NBEAL2: variants seen among roughly 807,000 people sequenced by gnomAD.
NBEAL2 encodes the protein neurobeachin-like protein 2.
In NBEAL2, 160 loss-of-function variants were observed where a neutral mutation model predicts 299.8. The observed-to-expected ratio is 0.53, with a 90% CI of 0.47 to 0.61. The LOEUF (loss-of-function observed/expected upper bound fraction) is 0.61, where lower values mean the gene tolerates loss of function less well. Among genes scored for constraint, NBEAL2 ranks in the 20% least tolerant of loss-of-function variants. The pLI is 0.00. For synonymous variants in NBEAL2, 1,493 were observed against 1,542.3 expected (o/e 0.97, Z 0.75); for missense variants, 3,112 against 3,649.0 (o/e 0.85, Z 3.79).
chr3:47,000,090 G>A lies in NBEAL2; in HGVS notation c.3991G>A (p.Val1331Ile). 6.2e-7 allele frequency: 1 copy of A among 1,613,606 alleles called. No individual in the cohort carries two copies. The highest frequency in any genetic ancestry group is 8.5e-7 in the Non-Finnish European group (1 of 1,179,866). The part of the protein sequence containing the change: ...PTESPAEPSD[V>I]FLPSEAPCPD... ...TGAGTCACCTGCTGAGCCTTCAGAT[G>A]TCTTCCTGCCCTCAGAGGCCCCCTG... The change falls in exon 27 of 54, where the codon GTC becomes ATC. Residue 1331 changes from valine (V) to isoleucine (I), a missense_variant. By Grantham distance (29) the Val-to-Ile change is conservative (BLOSUM62 3). Transcript: ENST00000450053. This position sits in a 1 kb window ranked among gnomAD's most constrained non-coding sequence, Gnocchi z 4.5.
In NBEAL2 at chr3:46,989,058, G is replaced by A. The variant is rs1325204117; in HGVS notation, c.270-27G>A. On this transcript the variant is annotated intron_variant, in intron 3 of 53. Coordinates refer to ENST00000450053, the MANE Select transcript of NBEAL2 (RefSeq NM_015175.3). The surrounding 1 kb of genome is among the most constrained non-coding windows in gnomAD (Gnocchi z 5.5). Reference sequence around the variant, plus strand: ...AAGGAGGGGCATGGTGTATTATTGTGACCTCTCTCATCATTGACTCCCCCA... The same window carrying A: ...AAGGAGGGGCATGGTGTATTATTGTAACCTCTCTCATCATTGACTCCCCCA... 2 of 1,612,396 alleles carry A rather than the reference G, an allele frequency of 1.2e-6. No homozygotes were observed. The highest frequency in any genetic ancestry group is 1.7e-6 in the Non-Finnish European group (2 of 1,179,228).
intron 32 of NBEAL2, 21 bp from the exon 33 acceptor site, chr3:47,002,624 G>T: frequency 6.2e-7 from 1 of 1,608,392 alleles, no homozygotes; most frequent in South Asian, 1.1e-5. Flanking sequence ...CCAGGGGACT[G>T]ACCTATTACC....
chr3:46,980,249 A>G (rs2035227218), intron 1 of NBEAL2, among the ~76,000 whole-genome samples: 1 of 152,156 alleles, frequency 6.6e-6, no homozygotes, highest in African/African-American at 2.4e-5. Context: ...AAATGGGGAA[A>G]CTGAGACCTG....
Position 46,995,490 on chromosome 3 carries a change from C to T in NBEAL2, c.1755C>T (p.Pro585=), listed in dbSNP as rs377657735. 1.9e-6 allele frequency: 3 copies of T among 1,612,808 alleles called. No homozygotes were observed. In the African/African-American group the frequency reaches 4.0e-5, roughly 22 times the overall value. ...ARALRYFDLT[P]SMAGIMVPPV... is the part of the protein sequence containing the mutation. ...CTCTGCGCTACTTTGACCTCACGCC[C>T]AGCATGGCGGGCATCATGGTACCCC... Residue 585 remains proline, a synonymous_variant, in exon 13 of 54, where the codon CCC becomes CCT. Transcript: ENST00000450053.
chr3:47,007,922 G>A lies in NBEAL2; in HGVS notation c.7602+12G>A, dbSNP rs374154267. The A allele has an allele frequency of 2.3e-4, 378 of 1,609,452 alleles. No individual in the cohort carries two copies. Among genetic ancestry groups the A allele is most frequent in the Admixed American group, 7.4e-4 (44 of 59,658 alleles). Reference sequence around the variant, plus strand: ...GGCTCCTGCATCAGGTGTGCCTCGTGGGCAGCTCTGTGGGGCCCCCGTAGC... The same window carrying A: ...GGCTCCTGCATCAGGTGTGCCTCGTAGGCAGCTCTGTGGGGCCCCCGTAGC... On this transcript the variant is annotated intron_variant, in intron 49 of 53. Coordinates refer to ENST00000450053, the MANE Select transcript of NBEAL2 (RefSeq NM_015175.3).
At position 46,996,472 on chromosome 3, in the gene NBEAL2, C is replaced by T; in HGVS notation, c.2353C>T (p.Leu785Phe). The T allele has an allele frequency of 6.3e-7, 1 of 1,599,586 alleles. No individual in the cohort carries two copies. Residue 785 changes from leucine (L) to phenylalanine (F), a missense_variant, in exon 16 of 54, where the codon CTC becomes TTC. Transcript: ENST00000450053. ...PLQEGSIDST[L>F]AGTQDTRWGS... ...GCAGGAGGGCAGCATCGACTCTACC[C>T]TCGCAGGCACCCAGGACACTCGGTG...
intron 1 of NBEAL2, among the ~76,000 whole-genome samples, chr3:46,984,305 G>C (rs1425158459): frequency 6.6e-6 from 1 of 151,924 alleles, no homozygotes; most frequent in Non-Finnish European, 1.5e-5. Flanking sequence ...GCGAGACTCC[G>C]TCTCAAAAAA....
intron 50 of NBEAL2, 28 bp from the exon 51 acceptor site, chr3:47,008,255 C>A: frequency 6.2e-7 from 1 of 1,613,120 alleles, no homozygotes; most frequent in Non-Finnish European, 8.5e-7. Context: ...CAGACTCCTG[C>A]CCAGGACCCT....
intron 52 of NBEAL2, 146 bp downstream of exon 52, chr3:47,008,814 G>T: frequency 6.9e-7 from 1 of 1,443,610 alleles, no homozygotes; most frequent in South Asian, 1.2e-5. Flanking sequence ...CCATGGGGAG[G>T]TCTTGCCCTG....
rs745974345 is a variant in NBEAL2 at position 47,004,443 on chromosome 3, G to A, written c.6198+50G>A. Reference sequence around the variant, plus strand: ...GTGAAGTCGGGACCCTGAATCACGGGGCAGTGCTGGACAGCCCACCTGGCT... The same window carrying A: ...GTGAAGTCGGGACCCTGAATCACGGAGCAGTGCTGGACAGCCCACCTGGCT... On this transcript the variant is annotated intron_variant, in intron 37 of 53. Transcript: ENST00000450053. This position sits in a 1 kb window ranked among gnomAD's most constrained non-coding sequence, Gnocchi z 5.0. 4 of 1,600,514 alleles carry A rather than the reference G, an allele frequency of 2.5e-6. No individual in the cohort carries two copies. In the East Asian group the frequency reaches 6.7e-5, roughly 27 times the overall value.
At chr3:47,006,289 C>G in intron 44 of NBEAL2, 27 bp downstream of exon 44, 1 of 1,608,900 alleles carries the variant, frequency 6.2e-7, no homozygotes, top group Middle Eastern at 1.7e-4. Flanking sequence ...GGATAGTGGC[C>G]AGGGATGCCC....
At chr3:46,992,034 A>C in intron 9 of NBEAL2, 88 bp downstream of exon 9, 1 of 1,176,122 alleles carries the variant, frequency 8.5e-7, no homozygotes, top group Non-Finnish European at 1.2e-6. Flanking sequence ...CTGAGCAAAC[A>C]TGGGCTGGAC....
At position 47,001,438 on chromosome 3, in the gene NBEAL2, G is replaced by T. The variant is rs1013723540; in HGVS notation, c.4644G>T (p.Lys1548Asn). The part of the protein sequence containing the change: ...GHGNQELWSE[K>N]LFEGVCSLLD... ...GTAACCAGGAACTGTGGAGTGAGAA[G>T]GTGCGACCCCTCAGAGAGGCGTGAG... The change falls in exon 29 of 54, where the codon AAG becomes AAT. Residue 1548 changes from lysine (K) to asparagine (N), a missense_variant and splice_region_variant. Around this residue, in one of 3 missense-constraint regions of NBEAL2, gnomAD observed 2,243 missense variants for 2,538.1 expected, o/e 0.88. Transcript: ENST00000450053. The surrounding 1 kb of genome is among the most constrained non-coding windows in gnomAD (Gnocchi z 6.1). The T allele has an allele frequency of 6.2e-7, 1 of 1,611,830 alleles. No homozygotes were observed. The highest frequency in any genetic ancestry group is 1.3e-5 in the African/African-American group (1 of 74,912).
At position 46,995,704 on chromosome 3, in the gene NBEAL2, C is replaced by A. The variant is rs1264440273; in HGVS notation, c.1899-10C>A. ...GAACAAGCAGACATAACTGGCTTGC[C>A]TGCCCCCAGCTTCTTTACCAGCAGC... is the stretch of plus-strand genomic sequence containing the variant. On this transcript the variant is annotated splice_polypyrimidine_tract_variant and intron_variant, in intron 13 of 53. Transcript: ENST00000450053. 1.6e-5 allele frequency: 26 copies of A among 1,612,946 alleles called. No individual in the cohort carries two copies. The highest frequency in any genetic ancestry group is 2.1e-5 in the Non-Finnish European group (25 of 1,179,406).
At position 46,997,558 on chromosome 3, in the gene NBEAL2, C is replaced by CAGAGGAACGGATGG; in HGVS notation, c.2832_2845dup. The CAGAGGAACGGATGG allele has an allele frequency of 6.3e-7, 1 of 1,589,708 alleles. No homozygotes were observed. The highest frequency in any genetic ancestry group is 8.6e-7 in the Non-Finnish European group (1 of 1,162,696). ...CATCTGTCCCCTTCCTGATGGCTGG[C>CAGAGGAACGGATGG]AGAGGAACGGATGGAGAGGAACGCA... is the stretch of plus-strand genomic sequence containing the variant. On this transcript the variant is annotated splice_polypyrimidine_tract_variant and splice_region_variant and intron_variant, in intron 19 of 53. Coordinates refer to ENST00000450053, the MANE Select transcript of NBEAL2 (RefSeq NM_015175.3).
At chr3:46,994,103 G>T in intron 11 of NBEAL2, 83 bp downstream of exon 11, 1 of 1,380,802 alleles carries the variant, frequency 7.2e-7, no homozygotes, top group African/African-American at 1.4e-5. Flanking sequence ...CTGGCCGGTG[G>T]CCATAAGCAT....
chr3:47,001,527 C>G lies in NBEAL2; in HGVS notation c.4644+89C>G. Reference sequence around the variant, plus strand: ...CTGGTCTGGGAGGTGGATGGGTACACGTGCGCAGGTGTGGGTGCATCAGCA... The same window carrying G: ...CTGGTCTGGGAGGTGGATGGGTACAGGTGCGCAGGTGTGGGTGCATCAGCA... On this transcript the variant is annotated intron_variant, in intron 29 of 53. Transcript: ENST00000450053. The surrounding 1 kb of genome is among the most constrained non-coding windows in gnomAD (Gnocchi z 6.1). 1 of 1,554,054 alleles carries G rather than the reference C, an allele frequency of 6.4e-7. No homozygotes were observed. Among genetic ancestry groups the G allele is most frequent in the South Asian group, 1.1e-5 (1 of 87,160 alleles).
At chr3:47,007,991 GTCC>G (rs1290984951) in intron 49 of NBEAL2, 76 bp from the exon 50 acceptor site, 3 of 1,583,714 alleles carry the variant, frequency 1.9e-6, no homozygotes, top group Non-Finnish European at 2.6e-6. Context: ...TTCCAGTCCT[GTCC>G]TCCTCTAGTC....
intron 20 of NBEAL2, 95 bp downstream of exon 20, chr3:46,997,789 C>CT: frequency 7.1e-7 from 1 of 1,407,482 alleles, no homozygotes; most frequent in South Asian, 1.6e-5. Context: ...CATGAAGAAC[C>CT]TCCTGGGAGA....
Sources: allele counts gnomAD v4.1 joint callset (sites outside exome capture counted in the v4.1 genomes callset), GRCh38; gene constraint gnomAD v4.1.1; regional missense constraint gnomAD v4.1.1; non-coding constraint Gnocchi (gnomAD v3.1); transcripts MANE v1.5; gene names NCBI Gene and HGNC (gene_info 2026-07-23, HGNC 2026-07-21).